Variants in PTAR1 observed in about 807,000 individuals in gnomAD.
PTAR1 encodes protein prenyltransferase alpha subunit repeat-containing protein 1.
Under a neutral mutation model 45.5 loss-of-function variants are expected in PTAR1, and 17 were observed. The observed-to-expected ratio is 0.37, with a 90% CI of 0.26 to 0.56. The LOEUF is 0.56. Ranked by LOEUF, PTAR1 falls within the 20% of genes least tolerant of loss-of-function variation. The pLI is 0.77. For synonymous variants in PTAR1, 169 were observed against 171.3 expected (o/e 0.99, Z 0.11); for missense variants, 391 against 476.3 (o/e 0.82, Z 1.67).
chr9:69,735,632 A>T (rs1825753884), intron 3 of PTAR1, among the ~76,000 whole-genome samples: 1 of 152,156 alleles, frequency 6.6e-6, no homozygotes, highest in Admixed American at 6.6e-5. Context: ...AGTTTTTGAT[A>T]AGTGCTGATA....
intron 5 of PTAR1, among the ~76,000 whole-genome samples, chr9:69,725,960 T>C (rs931069835): frequency 6.6e-6 from 1 of 152,076 alleles, no homozygotes; most frequent in Admixed American, 6.6e-5. Context: ...AGTGAATAAA[T>C]AAACTACAAG....
intron 4 of PTAR1, among the ~76,000 whole-genome samples, chr9:69,732,932 G>GT (rs1825607589): frequency 6.6e-6 from 1 of 152,064 alleles, no homozygotes; most frequent in African/African-American, 2.4e-5. Flanking sequence ...CCCTTTGTCT[G>GT]TTTAAGATTT....
intron 2 of PTAR1, among the ~76,000 whole-genome samples, chr9:69,742,375 A>G (rs571714917): frequency 4.9e-4 from 75 of 152,210 alleles, no homozygotes; most frequent in African/African-American, 1.5e-3. Flanking sequence ...ACTTTGTTCT[A>G]TATTTTTCAC....
intron 5 of PTAR1, among the ~76,000 whole-genome samples, chr9:69,731,038 A>G (rs1220512631): frequency 6.6e-6 from 1 of 152,166 alleles, no homozygotes; most frequent in Non-Finnish European, 1.5e-5. Context: ...ACCTAGGTTG[A>G]TGTGATTCTG....
At chr9:69,740,205 G>T (rs1276251262) in intron 3 of PTAR1, among the ~76,000 whole-genome samples, 1 of 152,084 alleles carries the variant, frequency 6.6e-6, no homozygotes, top group African/African-American at 2.4e-5. Flanking sequence ...ATATAGGTGT[G>T]TGTGTGTATG....
intron 2 of PTAR1, among the ~76,000 whole-genome samples, chr9:69,747,587 T>G (rs911155541): frequency 4.6e-5 from 7 of 152,146 alleles, no homozygotes; most frequent in Non-Finnish European, 7.3e-5. Context: ...CAACTAACAC[T>G]CTGCCGCAGT....
chr9:69,734,004 A>G, intron 4 of PTAR1, 146 bp downstream of exon 4: 1 of 570,454 alleles, frequency 1.8e-6, no homozygotes, highest in East Asian at 3.0e-5. Context: ...AGCAAGTTAT[A>G]TAGCTCCTAG....
intron 3 of PTAR1, among the ~76,000 whole-genome samples, chr9:69,734,616 G>C (rs1475299703): frequency 1.3e-5 from 2 of 151,774 alleles, no homozygotes; most frequent in African/African-American, 4.8e-5. Context: ...GTACCTATAG[G>C]GCCAATCCAA....
chr9:69,759,447 C>G (rs1374497955), intron 1 of PTAR1, among the ~76,000 whole-genome samples: 1 of 152,108 alleles, frequency 6.6e-6, no homozygotes, highest in East Asian at 1.9e-4. Context: ...CCCCCTCTTG[C>G]CAACGTCCGG....
intron 6 of PTAR1, among the ~76,000 whole-genome samples, chr9:69,720,706 T>A (rs1331369534): frequency 6.6e-6 from 1 of 152,224 alleles, no homozygotes; most frequent in Non-Finnish European, 1.5e-5. Flanking sequence ...TAGGGGCTAA[T>A]ATAGCTGGTG....
At chr9:69,737,743 A>G (rs1273982677) in intron 3 of PTAR1, among the ~76,000 whole-genome samples, 2 of 152,244 alleles carry the variant, frequency 1.3e-5, no homozygotes, top group Non-Finnish European at 2.9e-5. Flanking sequence ...CATATGTTAC[A>G]TAATTTCTCA....
At chr9:69,729,321 A>AAAAT (rs1384128644) in intron 5 of PTAR1, among the ~76,000 whole-genome samples, 12 of 152,138 alleles carry the variant, frequency 7.9e-5, no homozygotes, top group Non-Finnish European at 1.2e-4. Context: ...CCCTGTCTCA[A>AAAAT]AAATAAATAA....
chr9:69,741,961 T>C (rs1004277849), intron 2 of PTAR1, 103 bp from the exon 3 acceptor site: 4 of 703,454 alleles, frequency 5.7e-6, no homozygotes, highest in African/African-American at 1.8e-5. Flanking sequence ...ATTATACTAA[T>C]ATATCTCTCA....
rs143043940 is a variant in PTAR1, at chr9:69,749,515, T to TA, written c.256+1265dup. 9.7e-3 allele frequency among the ~76,000 whole-genome samples: 1,474 copies of TA among 152,198 alleles called. 14 individuals carry two copies. Among genetic ancestry groups the TA allele is most frequent in the African/African-American group, 0.034 (1,410 of 41,514 alleles). On this transcript the variant is annotated intron_variant, in intron 2 of 7. Transcript: ENST00000340434. ...TAAGTTTATCCCTAAACCCATGCCTTAAAGTGTATGCCATAAATTTGGGCT... is the reference window on the plus strand; with the variant it reads ...TAAGTTTATCCCTAAACCCATGCCTTAAAAGTGTATGCCATAAATTTGGGCT...
chr9:69,748,179 G>A (rs1826359535), intron 2 of PTAR1, among the ~76,000 whole-genome samples: 1 of 152,082 alleles, frequency 6.6e-6, no homozygotes. Flanking sequence ...AGCTTTTAAA[G>A]AGAGAGCTCA....
At chr9:69,756,862 T>C (rs778511134) in intron 1 of PTAR1, among the ~76,000 whole-genome samples, 5 of 152,228 alleles carry the variant, frequency 3.3e-5, no homozygotes, top group Non-Finnish European at 5.9e-5. Context: ...ACCTGCACTA[T>C]GCATCACAGT....
At chr9:69,753,674 T>G (rs754746551) in intron 1 of PTAR1, among the ~76,000 whole-genome samples, 1 of 152,156 alleles carries the variant, frequency 6.6e-6, no homozygotes, top group African/African-American at 2.4e-5. Context: ...AGCAGCTATT[T>G]TCATGTGAGG....
intron 5 of PTAR1, among the ~76,000 whole-genome samples, chr9:69,728,755 GTTTA>G (rs1825397869): frequency 6.6e-6 from 1 of 152,102 alleles, no homozygotes; most frequent in South Asian, 2.1e-4. Flanking sequence ...TTACTTAAAT[GTTTA>G]TTTAAGCATG....
chr9:69,730,843 C>G (rs1353812000), intron 5 of PTAR1, among the ~76,000 whole-genome samples: 1 of 151,984 alleles, frequency 6.6e-6, no homozygotes, highest in Non-Finnish European at 1.5e-5. Flanking sequence ...TTTTCTATCT[C>G]TGGAGAACAG....
Sources: gnomAD v4.1 joint callset for allele counts (sites outside exome capture counted in the v4.1 genomes callset) on GRCh38, gnomAD v4.1.1 for gene constraint, MANE v1.5 for transcripts, NCBI Gene and HGNC (gene_info 2026-07-23, HGNC 2026-07-21) for gene names.